ATF7IP: variants seen among roughly 807,000 people sequenced by gnomAD.
The protein encoded by ATF7IP is activating transcription factor 7-interacting protein 1.
A neutral mutation model predicts 106.4 loss-of-function variants in ATF7IP; 23 were observed. The observed-to-expected ratio is 0.22, with a 90% CI of 0.16 to 0.31. ATF7IP has a LOEUF of 0.31. ATF7IP is among the 10% of genes least tolerant of loss of function. The pLI is 1.00. For synonymous variants in ATF7IP, 542 were observed against 539.0 expected (o/e 1.01, Z -0.08); for missense variants, 1,334 against 1,524.3 (o/e 0.88, Z 2.08).
Position 14,434,386 on chromosome 12 carries a change from A to C in ATF7IP, c.1608A>C (p.Gln536His), listed in dbSNP as rs766105973. ...ACAACAAACCTGAGGAAGAAGAGCA[A>C]GTAATACATGAAGATGATGAAAGAC... The part of the protein sequence containing the change: ...EKDNKPEEEE[Q>H]VIHEDDERPS... Residue 536 changes from glutamine to histidine, a missense_variant, in exon 3 of 15, where the codon CAA (glutamine) becomes CAC (histidine). This residue lies in a region of ATF7IP where 119 missense variants were observed against 117.8 expected (regional missense o/e 1.01). Coordinates refer to ENST00000261168, the MANE Select transcript of ATF7IP (RefSeq NM_018179.5). 44 of 1,593,936 alleles carry C rather than the reference A, an allele frequency of 2.8e-5. No homozygotes were observed. The highest frequency in any genetic ancestry group is 3.4e-5 in the Non-Finnish European group (39 of 1,164,076).
At chr12:14,405,678 C>A (rs946873207) in intron 1 of ATF7IP, among the ~76,000 whole-genome samples, 10 of 152,026 alleles carry the variant, frequency 6.6e-5, no homozygotes, top group Admixed American at 6.5e-4. Flanking sequence ...CTCAGCCTCC[C>A]AAAGTGTTGG....
In ATF7IP at chr12:14,468,552, A is replaced by T. The variant is rs549736154; in HGVS notation, c.2862+1962A>T. 1.2e-3 allele frequency among the ~76,000 whole-genome samples: 179 copies of T among 151,616 alleles called. 3 individuals are homozygous for T. The South Asian group carries it at 0.017, about 14-fold the overall frequency. ...TGACTTCATCAGAAAGCAAAGCAAT[A>T]GTACAAATTAATATTAAGCTCTCAA... On this transcript the variant is annotated intron_variant, in intron 10 of 14. Transcript: ENST00000261168.
intron 1 of ATF7IP, among the ~76,000 whole-genome samples, chr12:14,401,775 T>C (rs899352272): frequency 2.6e-4 from 37 of 143,254 alleles, no homozygotes; most frequent in Admixed American, 3.7e-4. Context: ...TGGAGTGCGA[T>C]GGCGCTGGGC....
At chr12:14,370,254 G>A (rs536324782) in intron 1 of ATF7IP, among the ~76,000 whole-genome samples, 1 of 152,042 alleles carries the variant, frequency 6.6e-6, no homozygotes, top group African/African-American at 2.4e-5. Flanking sequence ...GCATTTTTCT[G>A]GGGAAAAAGT....
intron 1 of ATF7IP, among the ~76,000 whole-genome samples, chr12:14,381,526 C>T (rs34144377): frequency 0.027 from 4,138 of 152,178 alleles, 53 homozygotes; most frequent in Middle Eastern, 0.031. Context: ...CCATCGTGTC[C>T]GGCTGGTCCT....
chr12:14,438,240 G>A lies in ATF7IP; in HGVS notation c.1902G>A (p.Arg634=), dbSNP rs377610222. 4.3e-6 allele frequency: 7 copies of A among 1,612,702 alleles called. No homozygotes were observed. Among genetic ancestry groups the A allele is most frequent in the Non-Finnish European group, 5.9e-6 (7 of 1,179,888 alleles). The change falls in exon 5 of 15, where the codon AGG becomes AGA. Residue 634 remains arginine, a synonymous_variant. Transcript: ENST00000261168. ...TGGAAAAGATTGAATGTAACAAGAG[G>A]CATAAAACAGTTCTCACTGAACTAC... ...TRVEKIECNK[R]HKTVLTELQA... is the part of the protein sequence containing the mutation.
At chr12:14,368,650 A>G (rs1341238043) in intron 1 of ATF7IP, among the ~76,000 whole-genome samples, 1 of 152,110 alleles carries the variant, frequency 6.6e-6, no homozygotes, top group Non-Finnish European at 1.5e-5. Flanking sequence ...ATTCAATACC[A>G]CCATCAATTA....
intron 1 of ATF7IP, among the ~76,000 whole-genome samples, chr12:14,411,815 T>C (rs1432546384): frequency 6.6e-6 from 1 of 152,136 alleles, no homozygotes; most frequent in African/African-American, 2.4e-5. Flanking sequence ...TTTTCCTTCT[T>C]CTTTTATTGC....
intron 13 of ATF7IP, among the ~76,000 whole-genome samples, chr12:14,493,862 C>T (rs899328702): frequency 6.6e-6 from 1 of 152,110 alleles, no homozygotes; most frequent in African/African-American, 2.4e-5. Flanking sequence ...TTTTGAGCCT[C>T]AGTATCTTCT....
Position 14,365,790 on chromosome 12 carries a change from G to C in ATF7IP, c.-45G>C, listed in dbSNP as rs1419694802. Reference sequence around the variant, plus strand: ...CTGCGCGGGACGGCTCTGTAGGAAGGAACTTGGTTCCCCCTCCCTCAGCTT... The same window carrying C: ...CTGCGCGGGACGGCTCTGTAGGAAGCAACTTGGTTCCCCCTCCCTCAGCTT... On this transcript the variant is annotated 5_prime_UTR_variant, in exon 1 of 15. Coordinates refer to ENST00000261168, the MANE Select transcript of ATF7IP (RefSeq NM_018179.5). The C allele has an allele frequency of 6.5e-6, 1 of 153,728 alleles. No homozygotes were observed. Among genetic ancestry groups the C allele is most frequent in the Non-Finnish European group, 1.5e-5 (1 of 68,222 alleles). 9.5% of individuals were successfully genotyped at this position (153,728 alleles called of 1,614,324 possible).
At chr12:14,465,345 A>G (rs79707314) in intron 9 of ATF7IP, among the ~76,000 whole-genome samples, 2,273 of 152,120 alleles carry the variant, frequency 0.015, 20 homozygotes, top group Non-Finnish European at 0.025. Context: ...AATGCAAATG[A>G]ATGTATTTTA....
Position 14,434,331 on chromosome 12 carries a change from TA to T in ATF7IP, c.1559-4del. On this transcript the variant is annotated splice_polypyrimidine_tract_variant and splice_region_variant and intron_variant, in intron 2 of 14. Coordinates refer to ENST00000261168, the MANE Select transcript of ATF7IP (RefSeq NM_018179.5). ...GTAAGATTTTCTTTTCTATATTTGT[TA>T]ACAGCAGAAGTAGAAAGTAATGAAA... 2.0e-6 allele frequency: 3 copies of T among 1,471,362 alleles called. No individual in the cohort carries two copies. The highest frequency in any genetic ancestry group is 2.8e-6 in the Non-Finnish European group (3 of 1,063,942). 91.1% of individuals were successfully genotyped at this position (1,471,362 alleles called of 1,614,324 possible). A position where few individuals can be genotyped will look rare whatever the true frequency, so the allele number is the denominator to read the frequency against.
intron 1 of ATF7IP, among the ~76,000 whole-genome samples, chr12:14,392,906 C>G (rs73304257): frequency 2.0e-3 from 309 of 152,228 alleles, no homozygotes; most frequent in African/African-American, 6.7e-3. Context: ...TCAGGTAATT[C>G]ATTGCCACCA....
At chr12:14,386,713 T>C (rs1348592803) in intron 1 of ATF7IP, among the ~76,000 whole-genome samples, 1 of 152,172 alleles carries the variant, frequency 6.6e-6, no homozygotes, top group Non-Finnish European at 1.5e-5. Context: ...AATTATGCTA[T>C]TAAGATAAAC....
intron 1 of ATF7IP, among the ~76,000 whole-genome samples, chr12:14,410,393 C>A (rs542280790): frequency 1.3e-5 from 2 of 152,074 alleles, no homozygotes; most frequent in Non-Finnish European, 2.9e-5. Context: ...ACACTGTAGA[C>A]GCTACCCACC....
chr12:14,494,327 ATATAT>A (rs1944933650), intron 13 of ATF7IP, among the ~76,000 whole-genome samples: 1 of 86,850 alleles, frequency 1.2e-5, no homozygotes, highest in African/African-American at 5.3e-5. Context: ...ATATATATAT[ATATAT>A]ATGTGTGTGT....
At chr12:14,383,197 G>T (rs918474056) in intron 1 of ATF7IP, among the ~76,000 whole-genome samples, 4 of 152,114 alleles carry the variant, frequency 2.6e-5, no homozygotes, top group Non-Finnish European at 5.9e-5. Context: ...TGGATTTTCG[G>T]ATTAGGGATG....
intron 4 of ATF7IP, among the ~76,000 whole-genome samples, chr12:14,437,541 G>A (rs985261704): frequency 1.3e-5 from 2 of 152,154 alleles, no homozygotes; most frequent in Non-Finnish European, 2.9e-5. Flanking sequence ...TATGGTTCAT[G>A]GGTATGTGCC....
At chr12:14,455,757 G>C (rs767566766) in intron 6 of ATF7IP, among the ~76,000 whole-genome samples, 1 of 151,730 alleles carries the variant, frequency 6.6e-6, no homozygotes, top group Non-Finnish European at 1.5e-5. Flanking sequence ...GCTAATTTTT[G>C]TATTTTTTTT....
Sources: gnomAD v4.1 joint callset for allele counts (sites outside exome capture counted in the v4.1 genomes callset) on GRCh38, gnomAD v4.1.1 for gene constraint, gnomAD v4.1.1 regional missense constraint, MANE v1.5 for transcripts, NCBI Gene and HGNC (gene_info 2026-07-23, HGNC 2026-07-21) for gene names.